KLF12: variants seen among roughly 807,000 people sequenced by gnomAD.
KLF12 encodes KLF transcription factor 12, also known as Krueppel-like factor 12.
In KLF12, 9 loss-of-function variants were observed where a neutral mutation model predicts 37.8. That is an observed-to-expected ratio of 0.24 (90% CI 0.14 to 0.42). KLF12 has a LOEUF of 0.42. Among genes scored for constraint, KLF12 ranks in the 10% least tolerant of loss-of-function variants. The pLI, the probability that KLF12 is intolerant of heterozygous loss-of-function variation, is 1.00. For synonymous variants in KLF12, 208 were observed against 202.1 expected (o/e 1.03, Z -0.25); for missense variants, 411 against 516.0 (o/e 0.80, Z 1.97).
At chr13:73,809,299 G>A (rs1219513557) in intron 5 of KLF12, among the ~76,000 whole-genome samples, 1 of 136,268 alleles carries the variant, frequency 7.3e-6, no homozygotes, top group South Asian at 2.6e-4. Context: ...ATATTACAAT[G>A]AAATGTTTGG....
At chr13:73,958,849 C>T (rs963968273) in intron 2 of KLF12, among the ~76,000 whole-genome samples, 22 of 150,726 alleles carry the variant, frequency 1.5e-4, no homozygotes, top group African/African-American at 5.3e-4. Flanking sequence ...AAGTCCTTAG[C>T]GTATGAGTCA....
At chr13:73,870,491 A>G (rs929956946) in intron 3 of KLF12, among the ~76,000 whole-genome samples, 15 of 152,198 alleles carry the variant, frequency 9.9e-5, no homozygotes, top group African/African-American at 3.6e-4. Flanking sequence ...ATTCTGACAT[A>G]GAGATAAAAA....
chr13:74,159,032 C>T, the KLF12 span, among the ~76,000 whole-genome samples: 1 of 152,218 alleles, frequency 6.6e-6, no homozygotes, highest in Non-Finnish European at 1.5e-5. Flanking sequence ...CCCCACTTCT[C>T]TGTATGTAAA....
intron 3 of KLF12, among the ~76,000 whole-genome samples, chr13:73,862,023 G>A (rs1448963710): frequency 1.3e-5 from 2 of 149,400 alleles, no homozygotes; most frequent in Non-Finnish European, 3.0e-5. Flanking sequence ...ATTTGCTTAA[G>A]TGTACAAACA....
chr13:74,274,003 A>G, the KLF12 span, among the ~76,000 whole-genome samples: 2 of 152,194 alleles, frequency 1.3e-5, no homozygotes, highest in Non-Finnish European at 2.9e-5. Flanking sequence ...GAAGACTGGC[A>G]CATGAACTTA....
chr13:74,055,465 A>C (rs913406708), intron 1 of KLF12, among the ~76,000 whole-genome samples: 18 of 152,214 alleles, frequency 1.2e-4, no homozygotes, highest in Non-Finnish European at 2.6e-4. Flanking sequence ...AAGATGCAAC[A>C]GAAAGCTGCA....
the KLF12 span, among the ~76,000 whole-genome samples, chr13:74,263,479 G>A: frequency 6.6e-6 from 1 of 152,264 alleles, no homozygotes; most frequent in Admixed American, 6.5e-5. Flanking sequence ...GTCAGCTCAC[G>A]TTTGACACTC....
intron 3 of KLF12, among the ~76,000 whole-genome samples, chr13:73,928,370 C>T (rs7981768): frequency 0.75 from 114,042 of 152,158 alleles, 44,168 homozygotes; most frequent in South Asian, 0.85. Context: ...TCATGTGATA[C>T]ATGGTGACCA....
At chr13:74,261,567 A>T in the KLF12 span, among the ~76,000 whole-genome samples, 3 of 152,260 alleles carry the variant, frequency 2.0e-5, no homozygotes, top group Admixed American at 6.5e-5. Context: ...GTAACAGGCT[A>T]CATAGGCCAT....
intron 2 of KLF12, among the ~76,000 whole-genome samples, chr13:73,981,810 T>C (rs7338764): frequency 0.054 from 8,297 of 152,252 alleles, 500 homozygotes; most frequent in African/African-American, 0.15. Context: ...GGCCAGACAC[T>C]GAATCTGCTG....
chr13:74,081,412 G>A (rs958949426), intron 1 of KLF12, among the ~76,000 whole-genome samples: 3 of 152,016 alleles, frequency 2.0e-5, no homozygotes, highest in East Asian at 3.9e-4. Flanking sequence ...TAGATTTCAG[G>A]ACTAATCATT....
At chr13:73,790,127 A>G (rs1379812989) in intron 5 of KLF12, among the ~76,000 whole-genome samples, 1 of 152,176 alleles carries the variant, frequency 6.6e-6, no homozygotes, top group Non-Finnish European at 1.5e-5. Context: ...CCCTTTTCCA[A>G]TTCGCTGTTC....
intron 1 of KLF12, among the ~76,000 whole-genome samples, chr13:74,031,914 C>CA (rs1893125321): frequency 2.0e-5 from 3 of 152,108 alleles, no homozygotes; most frequent in Non-Finnish European, 4.4e-5. Context: ...CTTCCTCTCT[C>CA]TATTAATTAT....
At chr13:74,054,757 G>A (rs1873143764) in intron 1 of KLF12, among the ~76,000 whole-genome samples, 1 of 152,106 alleles carries the variant, frequency 6.6e-6, no homozygotes. Context: ...ACTGGACCGT[G>A]TACTTTCCAT....
chr13:74,090,439 A>G (rs1566207329), intron 1 of KLF12, among the ~76,000 whole-genome samples: 1 of 152,124 alleles, frequency 6.6e-6, no homozygotes. Context: ...CAATTGAGGA[A>G]TCTACTCCCA....
intron 3 of KLF12, among the ~76,000 whole-genome samples, chr13:73,859,319 C>T (rs910538870): frequency 5.9e-5 from 9 of 152,140 alleles, no homozygotes; most frequent in Admixed American, 2.0e-4. Context: ...TGAAGAAATT[C>T]GGTCTCACGG....
chr13:74,096,419 G>A (rs921153155), intron 1 of KLF12, among the ~76,000 whole-genome samples: 4 of 151,898 alleles, frequency 2.6e-5, no homozygotes, highest in African/African-American at 9.7e-5. Context: ...ACAAAGACAG[G>A]GACCAAAGAT....
the KLF12 span, among the ~76,000 whole-genome samples, chr13:74,268,710 C>T: frequency 2.0e-5 from 3 of 152,254 alleles, no homozygotes; most frequent in East Asian, 5.8e-4. Context: ...AAATTTTATG[C>T]TTTTCAGGTT....
chr13:73,829,892 G>C (rs1429227600), intron 4 of KLF12, among the ~76,000 whole-genome samples: 1 of 152,078 alleles, frequency 6.6e-6, no homozygotes, highest in Non-Finnish European at 1.5e-5. Flanking sequence ...CCATTCAGTG[G>C]CTTATTTAGA....
Sources: allele counts gnomAD v4.1 joint callset (sites outside exome capture counted in the v4.1 genomes callset), GRCh38; gene constraint gnomAD v4.1.1; transcripts MANE v1.5; gene names NCBI Gene and HGNC (gene_info 2026-07-23, HGNC 2026-07-21).